Variants in PTCHD4 observed in about 807,000 individuals in gnomAD.
PTCHD4 encodes the protein patched domain-containing protein 4.
PTCHD4 carries 33 observed loss-of-function variants against 58.1 expected under a neutral mutation model. The ratio of observed to expected loss-of-function variants is 0.57; its 90% CI spans 0.43 to 0.76. The LOEUF (loss-of-function observed/expected upper bound fraction) is 0.76, where lower values mean the gene tolerates loss of function less well. Ranked by LOEUF, PTCHD4 falls within the 30% of genes least tolerant of loss-of-function variation. The pLI is 0.00. For missense variants in PTCHD4, 1,058 were observed against 1,027.1 expected, an observed-to-expected ratio of 1.03 and a Z score of -0.41; for synonymous variants, 478 against 409.6, an observed-to-expected ratio of 1.17 and a Z score of -2.02.
intron 3 of PTCHD4, among the ~76,000 whole-genome samples, chr6:48,016,354 A>T (rs1359260357): frequency 6.6e-6 from 1 of 152,042 alleles, no homozygotes; most frequent in African/African-American, 2.4e-5. Context: ...ATGAGTTTTA[A>T]GCAAGCGAAT....
At chr6:48,078,275 C>A (rs1765096636) in intron 1 of PTCHD4, among the ~76,000 whole-genome samples, 1 of 152,122 alleles carries the variant, frequency 6.6e-6, no homozygotes, top group Non-Finnish European at 1.5e-5. Context: ...CATGTATTTG[C>A]ACAATACCAA....
At chr6:48,064,805 T>C (rs1212572336) in intron 3 of PTCHD4, among the ~76,000 whole-genome samples, 1 of 152,112 alleles carries the variant, frequency 6.6e-6, no homozygotes, top group Admixed American at 6.6e-5. Context: ...TACGATATGA[T>C]TTGTGTGCCT....
At chr6:48,070,860 A>T (rs549426555) in intron 1 of PTCHD4, among the ~76,000 whole-genome samples, 1 of 152,342 alleles carries the variant, frequency 6.6e-6, no homozygotes, top group East Asian at 1.9e-4. Flanking sequence ...TACAGCAGAG[A>T]GGAAATGTAT....
chr6:47,951,674 A>G (rs1766658400), intron 4 of PTCHD4, among the ~76,000 whole-genome samples: 1 of 152,140 alleles, frequency 6.6e-6, no homozygotes, highest in Middle Eastern at 3.2e-3. Flanking sequence ...CCTCCTCTAT[A>G]CAAAGATCCC....
At chr6:48,079,072 C>A (rs1191253979) in intron 1 of PTCHD4, among the ~76,000 whole-genome samples, 2 of 148,204 alleles carry the variant, frequency 1.3e-5, no homozygotes, top group South Asian at 4.3e-4. Context: ...GAGTCGAGAT[C>A]GCGCCACTGC....
At chr6:47,944,174 C>T (rs961180335) in intron 4 of PTCHD4, among the ~76,000 whole-genome samples, 2 of 152,052 alleles carry the variant, frequency 1.3e-5, no homozygotes, top group Non-Finnish European at 2.9e-5. Context: ...TATAGTGCTG[C>T]AGCTGGAGCA....
chr6:47,901,048 G>A (rs1374369389), intron 4 of PTCHD4: 1 of 150,930 alleles, frequency 6.6e-6, no homozygotes, highest in Non-Finnish European at 1.5e-5. Flanking sequence ...CAGCTACTCG[G>A]GAGGCTGAGG....
intron 4 of PTCHD4, among the ~76,000 whole-genome samples, chr6:47,957,750 A>G (rs1174842810): frequency 6.6e-6 from 1 of 151,466 alleles, no homozygotes; most frequent in Non-Finnish European, 1.5e-5. Context: ...ATAGGTGCCC[A>G]CCACCATGCC....
intron 3 of PTCHD4, among the ~76,000 whole-genome samples, chr6:48,035,930 C>G (rs756053068): frequency 7.9e-5 from 12 of 152,108 alleles, no homozygotes; most frequent in African/African-American, 2.9e-4. Flanking sequence ...CTCTCTCCCC[C>G]ACTGAAAAAT....
intron 3 of PTCHD4, among the ~76,000 whole-genome samples, chr6:48,029,221 A>G (rs1462406191): frequency 6.6e-6 from 1 of 152,096 alleles, no homozygotes; most frequent in African/African-American, 2.4e-5. Flanking sequence ...GTCACTACAG[A>G]TAGTTTTTTA....
At chr6:47,989,064 G>A (rs1768187290) in intron 4 of PTCHD4, among the ~76,000 whole-genome samples, 1 of 152,246 alleles carries the variant, frequency 6.6e-6, no homozygotes, top group South Asian at 2.1e-4. Flanking sequence ...GGTGGTCTCA[G>A]ATGGAGATGA....
chr6:48,010,646 C>T (rs971373360), intron 3 of PTCHD4, among the ~76,000 whole-genome samples: 1 of 151,656 alleles, frequency 6.6e-6, no homozygotes, highest in Non-Finnish European at 1.5e-5. Context: ...ATGTGCAGAA[C>T]GTGCAGGTTT....
chr6:47,899,379 CA>C (rs1291312909), intron 4 of PTCHD4, among the ~76,000 whole-genome samples: 1 of 152,114 alleles, frequency 6.6e-6, no homozygotes, highest in Admixed American at 6.5e-5. Flanking sequence ...TGATGGACAC[CA>C]AATGAGACAG....
At chr6:47,959,773 G>GAAAA (rs1000556737) in intron 4 of PTCHD4, among the ~76,000 whole-genome samples, 1 of 149,112 alleles carries the variant, frequency 6.7e-6, no homozygotes. Context: ...AAATATTGAA[G>GAAAA]AAAAAAATCT....
intron 4 of PTCHD4, among the ~76,000 whole-genome samples, chr6:47,951,868 G>A (rs1766666941): frequency 6.6e-6 from 1 of 151,874 alleles, no homozygotes; most frequent in Non-Finnish European, 1.5e-5. Context: ...AAAAAAAGCA[G>A]GATAGAGATA....
chr6:48,067,301 T>C (rs1400667275), intron 3 of PTCHD4, among the ~76,000 whole-genome samples: 1 of 152,200 alleles, frequency 6.6e-6, no homozygotes, highest in Non-Finnish European at 1.5e-5. Flanking sequence ...AACAGCACAA[T>C]ATATTTAATG....
At chr6:48,018,622 AAATT>A (rs1762948810) in intron 3 of PTCHD4, among the ~76,000 whole-genome samples, 1 of 152,234 alleles carries the variant, frequency 6.6e-6, no homozygotes, top group African/African-American at 2.4e-5. Flanking sequence ...CAGATGAATT[AAATT>A]ATTTCTTAGA....
At chr6:48,093,821 C>A (rs1011674479) in intron 1 of PTCHD4, among the ~76,000 whole-genome samples, 30 of 152,074 alleles carry the variant, frequency 2.0e-4, no homozygotes, top group Non-Finnish European at 8.8e-5. Context: ...GGAAGGTCAC[C>A]ATGGAAGCTT....
chr6:47,926,013 C>T (rs1765601597), intron 4 of PTCHD4, among the ~76,000 whole-genome samples: 1 of 152,174 alleles, frequency 6.6e-6, no homozygotes, highest in African/African-American at 2.4e-5. Context: ...TTTCCTCTTT[C>T]TGTCGAGCCC....
Sources: gnomAD v4.1 joint callset for allele counts (sites outside exome capture counted in the v4.1 genomes callset) on GRCh38, gnomAD v4.1.1 for gene constraint, MANE v1.5 for transcripts, NCBI Gene and HGNC (gene_info 2026-07-23, HGNC 2026-07-21) for gene names.